The following NCOA1 variants were observed in gnomAD, a reference collection of about 807,000 sequenced individuals.
NCOA1 encodes nuclear receptor coactivator 1.
Under a neutral mutation model 150.9 loss-of-function variants are expected in NCOA1, and 35 were observed. The observed-to-expected ratio is 0.23, with a 90% CI of 0.18 to 0.31. The LOEUF (loss-of-function observed/expected upper bound fraction) is 0.31, where lower values mean the gene tolerates loss of function less well. Ranked by LOEUF, NCOA1 falls within the 10% of genes least tolerant of loss-of-function variation. NCOA1 has a pLI of 1.00. For synonymous variants in NCOA1, 590 were observed against 630.0 expected (o/e 0.94, Z 0.95); for missense variants, 1,491 against 1,749.3 (o/e 0.85, Z 2.63).
intron 19 of NCOA1, among the ~76,000 whole-genome samples, chr2:24,745,195 T>C (rs1414642147): frequency 1.3e-5 from 2 of 148,678 alleles, no homozygotes; most frequent in African/African-American, 5.0e-5. Flanking sequence ...AGAGTCTCGC[T>C]CTGTCGCCCA....
At chr2:24,550,712 C>A (rs1665789254) in intron 1 of NCOA1, among the ~76,000 whole-genome samples, 1 of 152,184 alleles carries the variant, frequency 6.6e-6, no homozygotes, top group African/African-American at 2.4e-5. Context: ...GCCTAGTAAA[C>A]AAGGGAAGGG....
intron 20 of NCOA1, 139 bp from the exon 21 acceptor site, chr2:24,757,834 A>C (rs1664575036): frequency 1.4e-6 from 1 of 712,118 alleles, no homozygotes; most frequent in Non-Finnish European, 2.3e-6. Context: ...GAATTATATT[A>C]ATTTTTATAT....
chr2:24,718,817 C>T (rs1271464524), intron 14 of NCOA1, among the ~76,000 whole-genome samples: 1 of 149,938 alleles, frequency 6.7e-6, no homozygotes, highest in Non-Finnish European at 1.5e-5. Context: ...GGCAGTGAGC[C>T]GAGATCGCGC....
chr2:24,586,252 G>A (rs957096378), intron 3 of NCOA1, among the ~76,000 whole-genome samples: 4 of 143,124 alleles, frequency 2.8e-5, no homozygotes, highest in African/African-American at 1.0e-4. Context: ...CTTCAGCCTG[G>A]GCGACAGAGC....
At chr2:24,549,888 T>C (rs1665756631) in intron 1 of NCOA1, among the ~76,000 whole-genome samples, 2 of 152,074 alleles carry the variant, frequency 1.3e-5, no homozygotes, top group East Asian at 1.9e-4. Context: ...CTTTTTAAAA[T>C]TGAATGCCTT....
At chr2:24,738,363 C>T (rs979456593) in intron 17 of NCOA1, among the ~76,000 whole-genome samples, 4 of 151,640 alleles carry the variant, frequency 2.6e-5, no homozygotes, top group East Asian at 1.9e-4. Context: ...TGTTATCTTC[C>T]GGAATAGTTT....
intron 1 of NCOA1, among the ~76,000 whole-genome samples, chr2:24,542,436 A>G (rs1465357075): frequency 6.6e-6 from 1 of 152,236 alleles, no homozygotes; most frequent in African/African-American, 2.4e-5. Flanking sequence ...AGATCTTTGA[A>G]TTAATAGACT....
intron 3 of NCOA1, among the ~76,000 whole-genome samples, chr2:24,597,448 A>G (rs1468381789): frequency 4.0e-5 from 6 of 150,118 alleles, no homozygotes; most frequent in Non-Finnish European, 8.9e-5. Context: ...GTATTGGCCA[A>G]TGGTTATCTG....
chr2:24,565,541 A>T (rs1482539544), intron 2 of NCOA1, among the ~76,000 whole-genome samples: 1 of 152,268 alleles, frequency 6.6e-6, no homozygotes, highest in Non-Finnish European at 1.5e-5. Context: ...ATAAGAATTC[A>T]TGATATTGGG....
chr2:24,723,600 A>G (rs1051608786), intron 14 of NCOA1, among the ~76,000 whole-genome samples: 11 of 151,998 alleles, frequency 7.2e-5, no homozygotes, highest in African/African-American at 2.7e-4. Context: ...TGCCCATCTG[A>G]TGGTTTTATT....
chr2:24,671,451 G>T (rs1671678847), intron 6 of NCOA1, among the ~76,000 whole-genome samples: 1 of 152,180 alleles, frequency 6.6e-6, no homozygotes, highest in African/African-American at 2.4e-5. Flanking sequence ...GAATTTAGGA[G>T]TTTAGGGCTA....
At chr2:24,643,863 A>T (rs955691130) in intron 3 of NCOA1, 103 bp from the exon 4 acceptor site, 4 of 151,018 alleles carry the variant, frequency 2.6e-5, no homozygotes, top group Admixed American at 2.6e-4. Context: ...TAAAAGTTGC[A>T]TTTTTTTTTC....
chr2:24,625,106 A>C (rs954566720), intron 3 of NCOA1, among the ~76,000 whole-genome samples: 5 of 152,224 alleles, frequency 3.3e-5, no homozygotes, highest in Admixed American at 2.6e-4. Flanking sequence ...GAGTGTGACT[A>C]TTCCAACAAA....
At chr2:24,750,932 G>A (rs1311436911) in intron 19 of NCOA1, among the ~76,000 whole-genome samples, 3 of 145,402 alleles carry the variant, frequency 2.1e-5, no homozygotes, top group Admixed American at 6.8e-5. Flanking sequence ...GAAGGAGGGG[G>A]GGAAGAGTGG....
intron 18 of NCOA1, among the ~76,000 whole-genome samples, chr2:24,739,861 C>T (rs927527990): frequency 3.9e-5 from 6 of 152,166 alleles, no homozygotes; most frequent in African/African-American, 7.2e-5. Flanking sequence ...GAACGGTACC[C>T]GAAACCTGAT....
At chr2:24,621,680 A>G (rs1303161962) in intron 3 of NCOA1, among the ~76,000 whole-genome samples, 1 of 151,888 alleles carries the variant, frequency 6.6e-6, no homozygotes, top group Non-Finnish European at 1.5e-5. Context: ...GGGTTTCACC[A>G]TGTTGGCCAG....
intron 3 of NCOA1, among the ~76,000 whole-genome samples, chr2:24,585,979 A>G (rs888672411): frequency 6.6e-6 from 1 of 152,210 alleles, no homozygotes; most frequent in Non-Finnish European, 1.5e-5. Context: ...GCATTGAGTT[A>G]AAGATTCATT....
chr2:24,575,519 A>C (rs778137180), intron 2 of NCOA1, among the ~76,000 whole-genome samples: 18 of 151,244 alleles, frequency 1.2e-4, no homozygotes, highest in Admixed American at 7.9e-4. Flanking sequence ...AGACATTGTA[A>C]ATTTCACGTT....
chr2:24,672,397 CCTT>C (rs1347551811), intron 6 of NCOA1, among the ~76,000 whole-genome samples: 8 of 151,692 alleles, frequency 5.3e-5, no homozygotes, highest in African/African-American at 1.9e-4. Context: ...TACTTGAAAT[CCTT>C]CTTCTTGTTT....
Sources: gnomAD v4.1 joint callset for allele counts (sites outside exome capture counted in the v4.1 genomes callset) on GRCh38, gnomAD v4.1.1 for gene constraint, MANE v1.5 for transcripts, NCBI Gene and HGNC (gene_info 2026-07-23, HGNC 2026-07-21) for gene names.